Variants in CPB2 observed in about 807,000 individuals in gnomAD.
The protein encoded by CPB2 is carboxypeptidase B2.
Under a neutral mutation model 57.0 loss-of-function variants are expected in CPB2, and 54 were observed. The ratio of observed to expected loss-of-function variants is 0.95; its 90% CI spans 0.76 to 1.19. The LOEUF (loss-of-function observed/expected upper bound fraction) is 1.19, where lower values mean the gene tolerates loss of function less well. Among genes scored for constraint, CPB2 ranks in the 50% most tolerant of loss-of-function variants. The probability of loss-of-function intolerance (pLI) is 0.00; values close to 1 mark genes in which losing one functional copy is unlikely to be tolerated. For missense variants in CPB2, 426 were observed against 512.0 expected (o/e 0.83, Z 1.62); for synonymous variants, 189 against 178.1 (o/e 1.06, Z -0.49).
chr13:46,058,090 GACAAAATTTTTC>G, intron 9 of CPB2, 77 bp downstream of exon 9: 1 of 1,216,666 alleles, frequency 8.2e-7, no homozygotes, highest in Non-Finnish European at 1.2e-6. Flanking sequence ...CCTTCTAGAG[GACAAAATTTTTC>G]CCAGTTTTTG....
intron 3 of CPB2, 43 bp from the exon 4 acceptor site, chr13:46,082,592 G>A: frequency 2.2e-6 from 3 of 1,360,462 alleles, no homozygotes; most frequent in Non-Finnish European, 3.2e-6. Context: ...CAAGCAGAGG[G>A]TGGATCTTCC....
At chr13:46,070,267 G>A (rs533288435) in intron 6 of CPB2, among the ~76,000 whole-genome samples, 2 of 152,254 alleles carry the variant, frequency 1.3e-5, no homozygotes, top group African/African-American at 4.8e-5. Context: ...ATGATATTCA[G>A]TATTCGGTAG....
rs201269914 is a variant in CPB2, at chr13:46,084,546, T to TA, written c.151-204dup. Reference sequence around the variant, plus strand: ...AATTCCTTTCTATAACTCTAGTTGCTAAAAAAAAATAAAATAAAAGGGCCT... The same window carrying TA: ...AATTCCTTTCTATAACTCTAGTTGCTAAAAAAAAAATAAAATAAAAGGGCCT... On this transcript the variant is annotated intron_variant, in intron 2 of 10. Coordinates refer to ENST00000181383, the MANE Select transcript of CPB2 (RefSeq NM_001872.5). Among the ~76,000 whole-genome samples the TA allele has an allele frequency of 4.9e-3, 738 of 150,244 alleles. 1 individual carries two copies. Among genetic ancestry groups the TA allele is most frequent in the African/African-American group, 0.017 (681 of 40,984 alleles).
At chr13:46,083,564 G>A (rs1462324844) in intron 3 of CPB2, among the ~76,000 whole-genome samples, 2 of 152,188 alleles carry the variant, frequency 1.3e-5, no homozygotes, top group African/African-American at 4.8e-5. Flanking sequence ...ATGGAGGGGA[G>A]ATATTAGGAG....
At chr13:46,068,015 A>G (rs2044881535) in intron 6 of CPB2, among the ~76,000 whole-genome samples, 1 of 152,204 alleles carries the variant, frequency 6.6e-6, no homozygotes, top group African/African-American at 2.4e-5. Context: ...AGTGGCACAT[A>G]TTGCAGTGTG....
At chr13:46,101,001 G>A (rs2045427787) in intron 1 of CPB2, 1 of 152,188 alleles carries the variant, frequency 6.6e-6, no homozygotes, top group African/African-American at 2.4e-5. Flanking sequence ...TATAAATAAT[G>A]TTAAATTAAA....
intron 2 of CPB2, 68 bp from the exon 3 acceptor site, chr13:46,084,411 A>G: frequency 6.4e-7 from 1 of 1,564,898 alleles, no homozygotes. Context: ...ATCTGTAGCT[A>G]GAGCCATGAC....
chr13:46,053,632 A>G lies in CPB2; in HGVS notation c.1254T>C (p.His418=). 6.2e-7 allele frequency: 1 copy of G among 1,614,092 alleles called. No individual in the cohort carries two copies. Among genetic ancestry groups the G allele is most frequent in the Non-Finnish European group, 8.5e-7 (1 of 1,179,938 alleles). ...AFAAVSKIAW[H]VIRNV is the part of the protein sequence containing the mutation. The stretch of plus-strand genomic sequence containing the variant: ...AGGGGCATTAAACATTCCTAATGAC[A>G]TGCCAAGCTATTTTAGAGACAGCGG... Residue 418 remains histidine, a synonymous_variant, in exon 11 of 11, where the codon CAT becomes CAC. Coordinates refer to ENST00000181383, the MANE Select transcript of CPB2 (RefSeq NM_001872.5).
chr13:46,089,772 G>A (rs1023262400), intron 1 of CPB2, among the ~76,000 whole-genome samples: 29 of 152,160 alleles, frequency 1.9e-4, no homozygotes, highest in African/African-American at 5.3e-4. Context: ...CTGTCTATGC[G>A]GAAGATAGTC....
chr13:46,080,652 A>ACCAGG (rs1158967961), intron 4 of CPB2, among the ~76,000 whole-genome samples: 1 of 152,056 alleles, frequency 6.6e-6, no homozygotes, highest in Non-Finnish European at 1.5e-5. Context: ...ACAGAGAGAG[A>ACCAGG]CCAGGGATGC....
chr13:46,064,709 A>AT lies in CPB2; in HGVS notation c.734dup (p.Tyr245Ter), dbSNP rs758148937. The change falls in exon 8 of 11, where the codon TAT becomes TAAT. Residue 245 changes from tyrosine to a stop codon, truncating the protein, a stop_gained and frameshift_variant. Transcript: ENST00000181383. LOFTEE classifies it high-confidence loss of function. The part of the protein sequence containing the change: ...NRMWRKNRSF[Y>*]ANNHCIGTDL... ...CTGTTCCGATGCAATGATTGTTCGC[A>AT]TAGAAAGAACGGTTCTTTCTCCACA... The AT allele has an allele frequency of 3.1e-6, 5 of 1,614,192 alleles. No homozygotes were observed. The African/African-American group carries it at 5.3e-5, about 17-fold the overall frequency.
Position 46,082,551 on chromosome 13 carries a change from T to G in CPB2, c.276-2A>C. On this transcript the variant is annotated splice_acceptor_variant, in intron 3 of 10. Coordinates refer to ENST00000181383, the MANE Select transcript of CPB2 (RefSeq NM_001872.5). LOFTEE classifies it high-confidence loss of function. Reference sequence around the variant, plus strand: ...TCTTCCACATCTGCCAGCAAGACACTAGGTGATGAAACAGAGAGTGAGCTA... The same window carrying G: ...TCTTCCACATCTGCCAGCAAGACACGAGGTGATGAAACAGAGAGTGAGCTA... 7 of 1,598,258 alleles carry G rather than the reference T, an allele frequency of 4.4e-6. No homozygotes were observed. Among genetic ancestry groups the G allele is most frequent in the Non-Finnish European group, 6.0e-6 (7 of 1,165,828 alleles).
At chr13:46,079,076 T>C (rs1409866033) in intron 4 of CPB2, among the ~76,000 whole-genome samples, 175 bp from the exon 5 acceptor site, 1 of 152,134 alleles carries the variant, frequency 6.6e-6, no homozygotes, top group Non-Finnish European at 1.5e-5. Context: ...TTAATAAAAT[T>C]AAAGTTTTGA....
At chr13:46,073,624 C>T (rs1450993246) in intron 6 of CPB2, 1 of 165,702 alleles carries the variant, frequency 6.0e-6, no homozygotes, top group East Asian at 2.7e-4. Context: ...AATCATTTTC[C>T]ACTGTTTAGC....
At chr13:46,102,293 C>A (rs2045444030) in intron 1 of CPB2, among the ~76,000 whole-genome samples, 1 of 152,186 alleles carries the variant, frequency 6.6e-6, no homozygotes, top group Non-Finnish European at 1.5e-5. Context: ...AATACAATTA[C>A]TGATTCTGTT....
At chr13:46,087,862 A>G (rs764480514) in intron 1 of CPB2, 42 bp from the exon 2 acceptor site, 1 of 1,339,648 alleles carries the variant, frequency 7.5e-7, no homozygotes, top group Admixed American at 1.8e-5. Flanking sequence ...TTAAATAAAG[A>G]GTAAAGATGG....
At chr13:46,066,844 C>CAAAA (rs35694352) in intron 7 of CPB2, among the ~76,000 whole-genome samples, 1 of 99,320 alleles carries the variant, frequency 1.0e-5, no homozygotes, top group South Asian at 3.6e-4. Context: ...GACACCATCT[C>CAAAA]AAAAAAAAAA....
Position 46,092,436 on chromosome 13 carries a change from A to T in CPB2, c.75-4616T>A, listed in dbSNP as rs17844178. 5.5e-3 allele frequency among the ~76,000 whole-genome samples: 840 copies of T among 152,320 alleles called. 15 individuals carry two copies. The highest frequency in any genetic ancestry group is 0.019 in the African/African-American group (784 of 41,572). On this transcript the variant is annotated intron_variant, in intron 1 of 10. Coordinates refer to ENST00000181383, the MANE Select transcript of CPB2 (RefSeq NM_001872.5). ...ATATAAAATGTTAACATTAGGGTAT[A>T]TTGGGTGAGGGGTATACAGTTGTAT...
At chr13:46,076,486 C>T (rs1176608720) in intron 5 of CPB2, among the ~76,000 whole-genome samples, 1 of 150,900 alleles carries the variant, frequency 6.6e-6, no homozygotes, top group African/African-American at 2.4e-5. Context: ...CTGAAGAGAA[C>T]ACACAAAAAA....
Sources: allele counts gnomAD v4.1 joint callset (sites outside exome capture counted in the v4.1 genomes callset), GRCh38; gene constraint gnomAD v4.1.1; transcripts MANE v1.5; gene names NCBI Gene and HGNC (gene_info 2026-07-23, HGNC 2026-07-21).